The following VWA3B variants were observed in gnomAD, a reference collection of about 807,000 sequenced individuals.
VWA3B encodes the protein von Willebrand factor A domain containing 3B, also known as von Willebrand factor A domain-containing protein 3B.
VWA3B carries 138 observed loss-of-function variants against 158.3 expected under a neutral mutation model. That is an observed-to-expected ratio of 0.87 (90% CI 0.76 to 1.00). The LOEUF (loss-of-function observed/expected upper bound fraction) is 1.00, where lower values mean the gene tolerates loss of function less well. VWA3B is among the 50% of genes least tolerant of loss of function. The probability of loss-of-function intolerance (pLI) is 0.00; values close to 1 mark genes in which losing one functional copy is unlikely to be tolerated. For missense variants in VWA3B, 1,555 were observed against 1,565.1 expected (o/e 0.99, Z 0.11); for synonymous variants, 596 against 587.3 (o/e 1.01, Z -0.21).
At chr2:98,197,836 C>T (rs1682187238) in intron 12 of VWA3B, among the ~76,000 whole-genome samples, 1 of 152,108 alleles carries the variant, frequency 6.6e-6, no homozygotes, top group African/African-American at 2.4e-5. Flanking sequence ...AGCCTCAGCC[C>T]TGAAATCCAC....
At chr2:98,303,421 G>GGTGT (rs58157632) in intron 25 of VWA3B, among the ~76,000 whole-genome samples, 6,215 of 146,606 alleles carry the variant, frequency 0.042, 128 homozygotes, top group Middle Eastern at 0.091. Context: ...GTTATGTGAA[G>GGTGT]GTGTGTGTGT....
At chr2:98,126,915 C>T (rs936201883) in intron 5 of VWA3B, among the ~76,000 whole-genome samples, 12 of 152,094 alleles carry the variant, frequency 7.9e-5, no homozygotes, top group Admixed American at 7.9e-4. Flanking sequence ...CAGTCTGCTC[C>T]ATCTGCTGCA....
intron 20 of VWA3B, among the ~76,000 whole-genome samples, chr2:98,252,969 T>C (rs190543618): frequency 3.9e-5 from 6 of 152,326 alleles, no homozygotes; most frequent in Admixed American, 3.3e-4. Context: ...TGGTATTATT[T>C]AATAATTAAG....
intron 14 of VWA3B, among the ~76,000 whole-genome samples, chr2:98,219,605 G>T (rs1274755322): frequency 6.6e-6 from 1 of 152,120 alleles, no homozygotes; most frequent in Non-Finnish European, 1.5e-5. Context: ...TGAATCCCAA[G>T]CACGAGAAAC....
chr2:98,252,960 G>A (rs1448757502), intron 20 of VWA3B, among the ~76,000 whole-genome samples: 3 of 151,858 alleles, frequency 2.0e-5, no homozygotes, highest in African/African-American at 7.3e-5. Context: ...TAACATGATT[G>A]GTATTATTTA....
intron 26 of VWA3B, among the ~76,000 whole-genome samples, chr2:98,307,594 C>A (rs928264451): frequency 6.6e-6 from 1 of 152,190 alleles, no homozygotes; most frequent in Non-Finnish European, 1.5e-5. Context: ...TTACGGTTAG[C>A]AGATGTTTAA....
downstream of VWA3B, among the ~76,000 whole-genome samples, chr2:98,314,791 G>A (rs1035372562): frequency 6.6e-6 from 1 of 152,148 alleles, no homozygotes; most frequent in African/African-American, 2.4e-5. Flanking sequence ...GGGAGGCCGA[G>A]GTGGGTGGAT....
chr2:98,179,776 T>C (rs1232512257), intron 8 of VWA3B, among the ~76,000 whole-genome samples: 2 of 123,268 alleles, frequency 1.6e-5, no homozygotes, highest in African/African-American at 2.7e-5. Context: ...TCTCTCTTTC[T>C]TTCTCTTTCT....
intron 8 of VWA3B, among the ~76,000 whole-genome samples, chr2:98,179,786 T>C (rs951251734): frequency 6.0e-5 from 7 of 116,662 alleles, no homozygotes; most frequent in Non-Finnish European, 1.1e-4. Context: ...TTTCTCTTTC[T>C]TTTCTTTCTT....
rs748885868 is a variant in VWA3B, at chr2:98,127,464, G to A, written c.703-775G>A. On this transcript the variant is annotated intron_variant, in intron 5 of 27. Coordinates refer to ENST00000477737, the MANE Select transcript of VWA3B (RefSeq NM_144992.5). Reference sequence around the variant, plus strand: ...CTGCAGCAGAGCAGGAGGGGCGGCCGCCCTGAGATAGAGAGTTCTCTGTCT... The same window carrying A: ...CTGCAGCAGAGCAGGAGGGGCGGCCACCCTGAGATAGAGAGTTCTCTGTCT... 5.3e-5 allele frequency among the ~76,000 whole-genome samples: 8 copies of A among 151,976 alleles called. 1 individual carries two copies. The highest frequency in any genetic ancestry group is 1.7e-4 in the African/African-American group (7 of 41,346).
chr2:98,294,828 G>A (rs192991517), intron 23 of VWA3B, among the ~76,000 whole-genome samples: 2 of 152,288 alleles, frequency 1.3e-5, no homozygotes, highest in East Asian at 3.9e-4. Flanking sequence ...GCCTCTGCTG[G>A]CCACACGACT....
At chr2:98,102,128 G>A (rs1487283338) in intron 2 of VWA3B, among the ~76,000 whole-genome samples, 5 of 152,048 alleles carry the variant, frequency 3.3e-5, no homozygotes, top group African/African-American at 4.8e-5. Flanking sequence ...ATCTTGCACT[G>A]CCCTTAATCC....
chr2:98,093,242 G>T lies in VWA3B; in HGVS notation c.150G>T (p.Leu50Phe), dbSNP rs1284417124. 1 of 1,614,112 alleles carries T rather than the reference G, an allele frequency of 6.2e-7. No homozygotes were observed. Reference protein sequence around the residue: ...LQLHGLKSNKLTLKQILSQIG... With the variant: ...LQLHGLKSNKFTLKQILSQIG... ...TGCATGGGCTTAAGAGCAACAAATT[G>T]ACCTTGAAACAGATTTTGTCACAGA... is the stretch of plus-strand genomic sequence containing the variant. Residue 50 changes from leucine to phenylalanine, a missense_variant, in exon 2 of 28, where the codon TTG (leucine) becomes TTT (phenylalanine). Coordinates refer to ENST00000477737, the MANE Select transcript of VWA3B (RefSeq NM_144992.5).
chr2:98,290,732 C>A, intron 23 of VWA3B, 110 bp downstream of exon 23: 2 of 757,364 alleles, frequency 2.6e-6, no homozygotes. Context: ...CATGAGCTGG[C>A]CTGAGCTAGT....
At position 98,297,983 on chromosome 2, in the gene VWA3B, C is replaced by A. The variant is rs768000550; in HGVS notation, c.3234C>A (p.Thr1078=). Residue 1078 remains threonine, a synonymous_variant, in exon 24 of 28, where the codon ACC becomes ACA. Transcript: ENST00000477737. ...ACGGAGACACCAAGGTCGTGTCCAC[C>A]TCCTTCATCACGCCTGTGGGGGGCG... is the stretch of plus-strand genomic sequence containing the variant. ...FSYGDTKVVS[T]SFITPVGGAM... 7.6e-6 allele frequency: 12 copies of A among 1,588,656 alleles called. No individual in the cohort carries two copies. The highest frequency in any genetic ancestry group is 1.7e-6 in the Non-Finnish European group (2 of 1,167,572).
chr2:98,224,919 T>C (rs1223961763), intron 14 of VWA3B, among the ~76,000 whole-genome samples: 1 of 152,220 alleles, frequency 6.6e-6, no homozygotes, highest in African/African-American at 2.4e-5. Context: ...AATTATACAC[T>C]ATGATCAAGG....
Position 98,256,189 on chromosome 2 carries a change from T to C in VWA3B, c.2843+15T>C. The C allele has an allele frequency of 6.4e-7, 1 of 1,558,350 alleles. No homozygotes were observed. The highest frequency in any genetic ancestry group is 8.6e-7 in the Non-Finnish European group (1 of 1,161,526). ...GAAAAAGAAAAGTAAGCCATTCCAT[T>C]CCCTCCTCACTTTTTTTTTTTGGTG... On this transcript the variant is annotated intron_variant, in intron 21 of 27. Coordinates refer to ENST00000477737, the MANE Select transcript of VWA3B (RefSeq NM_144992.5).
intron 13 of VWA3B, 75 bp from the exon 14 acceptor site, chr2:98,217,771 T>C: frequency 7.2e-7 from 1 of 1,387,630 alleles, no homozygotes; most frequent in Non-Finnish European, 9.6e-7. Flanking sequence ...TAGTAAATAC[T>C]AAGGATTTTC....
Position 98,312,027 on chromosome 2 carries a change from C to A in VWA3B, c.3730C>A (p.Pro1244Thr). 6.3e-7 allele frequency: 1 copy of A among 1,597,374 alleles called. No homozygotes were observed. The highest frequency in any genetic ancestry group is 1.1e-5 in the South Asian group (1 of 88,720). ...GTCCTGCCAGGGGACACACCCCGAG[C>A]CCAGGGTTTGGGTGATGGGGGGGGA... The part of the protein sequence containing the change: ...HGSCQGTHPE[P>T]RTAHLHFPAA... Residue 1244 changes from proline (P) to threonine (T), a missense_variant, in exon 27 of 28, where the codon CCC becomes ACC. Coordinates refer to ENST00000477737, the MANE Select transcript of VWA3B (RefSeq NM_144992.5).
Sources: gnomAD v4.1 joint callset for allele counts (sites outside exome capture counted in the v4.1 genomes callset) on GRCh38, gnomAD v4.1.1 for gene constraint, MANE v1.5 for transcripts, NCBI Gene and HGNC (gene_info 2026-07-23, HGNC 2026-07-21) for gene names.